Variants in THEMIS observed in about 807,000 individuals in gnomAD.
THEMIS encodes thymocyte selection associated, also known as protein THEMIS.
THEMIS carries 37 observed loss-of-function variants against 52.6 expected under a neutral mutation model. The observed-to-expected ratio is 0.70, with a 90% CI of 0.54 to 0.93. The LOEUF (loss-of-function observed/expected upper bound fraction) is 0.93. Ranked by LOEUF, THEMIS falls within the 40% of genes least tolerant of loss-of-function variation. The probability of loss-of-function intolerance (pLI) is 0.00; values close to 1 mark genes in which losing one functional copy is unlikely to be tolerated. For missense variants in THEMIS, 808 were observed against 763.1 expected (o/e 1.06, Z -0.69); for synonymous variants, 292 against 272.7 (o/e 1.07, Z -0.70).
At chr6:127,777,614 C>A (rs927828137) in intron 4 of THEMIS, among the ~76,000 whole-genome samples, 28 of 152,192 alleles carry the variant, frequency 1.8e-4, no homozygotes, top group African/African-American at 6.5e-4. Flanking sequence ...CTCTTTTAGA[C>A]TATGGAAACT....
At chr6:127,901,947 T>C (rs1048060624), upstream of THEMIS, among the ~76,000 whole-genome samples, 10 of 152,058 alleles carry the variant, frequency 6.6e-5, 1 homozygote, top group Admixed American at 5.2e-4. Context: ...CCCCTCTCTA[T>C]TTTTTGCATG....
chr6:127,835,271 G>A (rs750323448), intron 2 of THEMIS, among the ~76,000 whole-genome samples: 1 of 152,122 alleles, frequency 6.6e-6, no homozygotes, highest in Non-Finnish European at 1.5e-5. Flanking sequence ...GTGATTTTGG[G>A]CAGTAGAACT....
chr6:127,819,118 TAAAAAAAAAAAAAAA>T (rs142123167), intron 3 of THEMIS, among the ~76,000 whole-genome samples: 7 of 19,482 alleles, frequency 3.6e-4, no homozygotes, highest in East Asian at 1.9e-3. Flanking sequence ...AGACTCTGTC[TAAAAAAAAAAAAAAA>T]AAAAAAAAAA....
At chr6:127,911,719 C>T (rs1393171870) in intron 1 of THEMIS, among the ~76,000 whole-genome samples, 5 of 151,432 alleles carry the variant, frequency 3.3e-5, no homozygotes, top group Non-Finnish European at 7.4e-5. Flanking sequence ...CCTCTGCCTA[C>T]ATTTCAAAGG....
At chr6:127,911,664 CT>C (rs1197197029) in intron 1 of THEMIS, among the ~76,000 whole-genome samples, 1 of 151,462 alleles carries the variant, frequency 6.6e-6, no homozygotes, top group Non-Finnish European at 1.5e-5. Context: ...AGCCTTCCTC[CT>C]TGGCTTATTT....
At chr6:127,911,493 C>T in intron 1 of THEMIS, among the ~76,000 whole-genome samples, 1 of 151,040 alleles carries the variant, frequency 6.6e-6, no homozygotes, top group Non-Finnish European at 1.5e-5. Context: ...TCTGATACTG[C>T]TTTTAAAACT....
At chr6:127,762,792 T>C (rs1776067299) in intron 4 of THEMIS, among the ~76,000 whole-genome samples, 1 of 152,118 alleles carries the variant, frequency 6.6e-6, no homozygotes, top group Admixed American at 6.6e-5. Context: ...GACCTTGCTT[T>C]AATTTCTCAT....
intron 1 of THEMIS, among the ~76,000 whole-genome samples, chr6:127,864,125 A>G (rs1303768620): frequency 6.6e-6 from 1 of 152,180 alleles, no homozygotes; most frequent in Admixed American, 6.6e-5. Flanking sequence ...AATATTTTTC[A>G]TAATTGTCAA....
chr6:127,847,016 G>T (rs1264467326), intron 2 of THEMIS, among the ~76,000 whole-genome samples: 1 of 151,918 alleles, frequency 6.6e-6, no homozygotes, highest in Non-Finnish European at 1.5e-5. Flanking sequence ...CACATAAACA[G>T]AATTAAAAAC....
intron 4 of THEMIS, among the ~76,000 whole-genome samples, chr6:127,787,165 G>C (rs116969142): frequency 3.7e-4 from 56 of 152,280 alleles, no homozygotes; most frequent in African/African-American, 1.3e-3. Context: ...GATGCTAATT[G>C]TGGCAAACAG....
At chr6:127,837,840 G>A (rs1342112118) in intron 2 of THEMIS, among the ~76,000 whole-genome samples, 4 of 151,874 alleles carry the variant, frequency 2.6e-5, no homozygotes, top group Admixed American at 1.3e-4. Context: ...ATACTGAACC[G>A]AATAAACCTC....
intron 4 of THEMIS, among the ~76,000 whole-genome samples, chr6:127,755,719 A>T (rs1032399412): frequency 3.3e-5 from 5 of 152,160 alleles, no homozygotes; most frequent in African/African-American, 1.2e-4. Flanking sequence ...AAAAGGGTTT[A>T]TCATCATGGT....
chr6:127,872,291 G>C (rs1368808351), intron 1 of THEMIS, among the ~76,000 whole-genome samples: 1 of 152,106 alleles, frequency 6.6e-6, no homozygotes, highest in African/African-American at 2.4e-5. Flanking sequence ...AAACTCTTAC[G>C]CTGGGAGTGG....
At chr6:127,837,726 C>T (rs987208429) in intron 2 of THEMIS, among the ~76,000 whole-genome samples, 1 of 151,876 alleles carries the variant, frequency 6.6e-6, no homozygotes, top group African/African-American at 2.4e-5. Flanking sequence ...TTTTAAAATT[C>T]TGACATTTTT....
At chr6:127,739,007 T>C (rs1414446441) in intron 4 of THEMIS, among the ~76,000 whole-genome samples, 2 of 152,180 alleles carry the variant, frequency 1.3e-5, no homozygotes, top group Admixed American at 6.6e-5. Context: ...AAGTTTGGTA[T>C]TCCTTTGCTC....
chr6:127,871,362 A>T (rs1780152361), intron 1 of THEMIS, among the ~76,000 whole-genome samples: 1 of 152,080 alleles, frequency 6.6e-6, no homozygotes. Context: ...CAACATATCA[A>T]AGTTGTAGGA....
intron 2 of THEMIS, among the ~76,000 whole-genome samples, chr6:127,853,712 A>G (rs1446085465): frequency 6.6e-6 from 1 of 151,626 alleles, no homozygotes; most frequent in Non-Finnish European, 1.5e-5. Context: ...AAAAGCTGAC[A>G]CTTTTTTATG....
At chr6:127,800,872 G>A (rs539007204) in intron 4 of THEMIS, among the ~76,000 whole-genome samples, 1 of 152,078 alleles carries the variant, frequency 6.6e-6, no homozygotes, top group Non-Finnish European at 1.5e-5. Flanking sequence ...GCCTATTGTG[G>A]GACCTATATT....
intron 2 of THEMIS, among the ~76,000 whole-genome samples, chr6:127,853,012 C>A (rs148844666): frequency 5.7e-4 from 86 of 151,744 alleles, no homozygotes; most frequent in African/African-American, 2.1e-3. Flanking sequence ...TAAGTGTTTT[C>A]ACTATTCTAA....
Sources: gnomAD v4.1 joint callset for allele counts (sites outside exome capture counted in the v4.1 genomes callset) on GRCh38, gnomAD v4.1.1 for gene constraint, MANE v1.5 for transcripts, NCBI Gene and HGNC (gene_info 2026-07-23, HGNC 2026-07-21) for gene names.